DACH2: variants seen among roughly 807,000 people sequenced by gnomAD.
DACH2 encodes dachshund family transcription factor 2.
A neutral mutation model predicts 35.8 loss-of-function variants in DACH2; 17 were observed. The ratio of observed to expected loss-of-function variants is 0.48; its 90% confidence interval spans 0.33 to 0.71. The LOEUF (loss-of-function observed/expected upper bound fraction) is 0.71. Ranked by LOEUF, DACH2 falls within the 30% of genes least tolerant of loss-of-function variation. DACH2 has a pLI of 0.02. For missense variants in DACH2, 469 were observed against 472.7 expected (o/e 0.99, Z 0.07); for synonymous variants, 195 against 177.3 (o/e 1.10, Z -0.79).
chrX:86,452,283 A>G (rs1200707715), intron 2 of DACH2, among the ~76,000 whole-genome samples: 1 of 110,928 alleles, frequency 9.0e-6, no homozygotes, highest in East Asian at 2.8e-4. Flanking sequence ...TGACTTGAGT[A>G]TTATATTTTA....
intron 5 of DACH2, among the ~76,000 whole-genome samples, chrX:86,700,598 A>G (rs2148449144): frequency 9.0e-6 from 1 of 110,949 alleles, no homozygotes; most frequent in East Asian, 2.8e-4. Context: ...ATAAACCACT[A>G]ACTAGACTAA....
At chrX:86,156,991 A>G (rs1466901916) in intron 1 of DACH2, among the ~76,000 whole-genome samples, 1 of 111,152 alleles carries the variant, frequency 9.0e-6, no homozygotes, top group African/African-American at 3.3e-5. Context: ...TTTCAGGTGT[A>G]ATTAATTTTG....
intron 5 of DACH2, among the ~76,000 whole-genome samples, chrX:86,697,663 G>T (rs1038278175): frequency 9.9e-6 from 1 of 101,190 alleles, no homozygotes; most frequent in Non-Finnish European, 2.0e-5. Context: ...CAGAAAGGTA[G>T]AAACCCTAAG....
intron 1 of DACH2, among the ~76,000 whole-genome samples, chrX:86,165,456 A>C (rs2030912542): frequency 9.0e-6 from 1 of 111,299 alleles, no homozygotes; most frequent in Non-Finnish European, 1.9e-5. Context: ...ACAATGTACG[A>C]AGGTCCCCTT....
intron 1 of DACH2, among the ~76,000 whole-genome samples, chrX:86,311,177 C>A (rs1270591393): frequency 1.8e-5 from 2 of 112,171 alleles, no homozygotes; most frequent in Non-Finnish European, 3.8e-5. Context: ...CAGGAATAGA[C>A]ACTTACTCCA....
intron 7 of DACH2, among the ~76,000 whole-genome samples, chrX:86,764,403 C>T (rs5968983): frequency 0.2 from 21,923 of 109,497 alleles, 1,750 homozygotes; most frequent in East Asian, 0.47. Context: ...TAGTAGTTCC[C>T]AGTGTCTGTT....
At chrX:86,420,147 A>T (rs2036778016) in intron 2 of DACH2, among the ~76,000 whole-genome samples, 1 of 112,062 alleles carries the variant, frequency 8.9e-6, no homozygotes, top group South Asian at 3.7e-4. Flanking sequence ...ACAGTTAAGG[A>T]ATAAAGCAAA....
chrX:86,250,673 A>G (rs1443772231), intron 1 of DACH2, among the ~76,000 whole-genome samples: 1 of 111,642 alleles, frequency 9.0e-6, no homozygotes, highest in African/African-American at 3.2e-5. Context: ...AAAGGTAACT[A>G]CAAAGTTCTA....
intron 6 of DACH2, among the ~76,000 whole-genome samples, chrX:86,728,610 G>T (rs999709457): frequency 8.9e-6 from 1 of 112,622 alleles, no homozygotes; most frequent in East Asian, 2.8e-4. Context: ...TAGGAGGGAA[G>T]AATTATTTCT....
intron 1 of DACH2, among the ~76,000 whole-genome samples, chrX:86,157,555 C>T (rs890341562): frequency 9.0e-6 from 1 of 110,772 alleles, no homozygotes; most frequent in African/African-American, 3.3e-5. Flanking sequence ...ACACAGGGAC[C>T]GCACTTAGGA....
At chrX:86,723,866 T>G (rs1028713269) in intron 6 of DACH2, among the ~76,000 whole-genome samples, 1 of 110,167 alleles carries the variant, frequency 9.1e-6, no homozygotes, top group Non-Finnish European at 1.9e-5. Context: ...ATTTTATCAA[T>G]AGCACTTGAG....
intron 2 of DACH2, among the ~76,000 whole-genome samples, chrX:86,495,988 C>T (rs948981948): frequency 9.0e-6 from 1 of 110,618 alleles, no homozygotes; most frequent in Admixed American, 9.6e-5. Flanking sequence ...GAAAGTGGAA[C>T]GATTTGGGAC....
At chrX:86,477,826 C>G (rs1454542560) in intron 2 of DACH2, among the ~76,000 whole-genome samples, 20 of 110,148 alleles carry the variant, frequency 1.8e-4, no homozygotes, top group African/African-American at 5.9e-4. Context: ...TTTTGTGTAT[C>G]TATTTTATAT....
intron 1 of DACH2, among the ~76,000 whole-genome samples, chrX:86,250,881 A>G (rs1363834935): frequency 4.5e-5 from 5 of 111,405 alleles, no homozygotes; most frequent in Non-Finnish European, 9.5e-5. Context: ...AACTGAGGCT[A>G]CAGCATTGAT....
chrX:86,382,921 G>T (rs774609482), intron 2 of DACH2, among the ~76,000 whole-genome samples: 1 of 110,579 alleles, frequency 9.0e-6, no homozygotes, highest in Admixed American at 9.7e-5. Context: ...GGACTGTGGG[G>T]CCCATATTTA....
intron 6 of DACH2, among the ~76,000 whole-genome samples, chrX:86,723,802 C>A (rs931154722): frequency 9.0e-6 from 1 of 111,082 alleles, no homozygotes; most frequent in Non-Finnish European, 1.9e-5. Context: ...GATGGTTCTC[C>A]CATGTTGAGT....
Position 86,707,912 on chromosome X carries a change from T to TAAA in DACH2, c.932-6620_932-6618dup, listed in dbSNP as rs56293403. On this transcript the variant is annotated intron_variant, in intron 5 of 11. Transcript: ENST00000373125. ...CCTGGTGACAGAGTAAGACTCCATC[T>TAAA]AAAAAAAAAAAAAAAAAATTACACA... 6.4e-3 allele frequency among the ~76,000 whole-genome samples: 222 copies of TAAA among 34,560 alleles called. 43 individuals are homozygous for TAAA. Among genetic ancestry groups the TAAA allele is most frequent in the African/African-American group, 0.038 (197 of 5,251 alleles). 30.0% of individuals were successfully genotyped at this position (34,560 alleles called of 115,157 possible). A position where few individuals can be genotyped will look rare whatever the true frequency, so the allele number is the denominator to read the frequency against.
chrX:86,504,948 A>G (rs1051301742), intron 2 of DACH2, among the ~76,000 whole-genome samples: 7 of 112,030 alleles, frequency 6.2e-5, no homozygotes, highest in African/African-American at 2.3e-4. Context: ...AAATCTGCAT[A>G]TAAACATGAA....
chrX:86,399,333 C>G (rs1371068501), intron 2 of DACH2, among the ~76,000 whole-genome samples: 1 of 111,717 alleles, frequency 9.0e-6, no homozygotes, highest in African/African-American at 3.3e-5. Context: ...GACTCTTTAT[C>G]CAGTTTGCCA....
Sources: allele counts gnomAD v4.1 joint callset (sites outside exome capture counted in the v4.1 genomes callset), GRCh38; gene constraint gnomAD v4.1.1; transcripts MANE v1.5; gene names NCBI Gene and HGNC (gene_info 2026-07-23, HGNC 2026-07-21).